The following SUMF1 variants were observed in gnomAD, a reference collection of about 807,000 sequenced individuals.
The protein encoded by SUMF1 is sulfatase modifying factor 1.
A neutral mutation model predicts 47.6 loss-of-function variants in SUMF1; 48 were observed. The ratio of observed to expected loss-of-function variants is 1.01; its 90% CI spans 0.80 to 1.28. The LOEUF is 1.28. Among genes scored for constraint, SUMF1 ranks in the 50% most tolerant of loss-of-function variants. The pLI, the probability that SUMF1 is intolerant of heterozygous loss-of-function variation, is 0.00. For missense variants in SUMF1, 571 were observed against 485.4 expected (o/e 1.18, Z -1.66); for synonymous variants, 230 against 192.1 (o/e 1.20, Z -1.63).
chr3:4,367,826 A>T (rs546948457), intron 8 of SUMF1, among the ~76,000 whole-genome samples: 199 of 151,840 alleles, frequency 1.3e-3, no homozygotes, highest in African/African-American at 4.4e-3. Flanking sequence ...ACCTTATACA[A>T]AAATTAATTC....
intron 8 of SUMF1, among the ~76,000 whole-genome samples, chr3:4,121,943 AT>A (rs1298091786): frequency 6.6e-6 from 1 of 152,050 alleles, no homozygotes; most frequent in Non-Finnish European, 1.5e-5. Context: ...TTCAGCTCCC[AT>A]TTATAAGTGA....
chr3:4,423,899 C>T (rs948525738), intron 3 of SUMF1, among the ~76,000 whole-genome samples: 7 of 152,224 alleles, frequency 4.6e-5, no homozygotes, highest in East Asian at 1.9e-4. Context: ...CCATGTGAAG[C>T]GCCTGCTCCC....
chr3:4,253,990 C>T (rs940189794), intron 8 of SUMF1, among the ~76,000 whole-genome samples: 9 of 150,942 alleles, frequency 6.0e-5, no homozygotes, highest in Admixed American at 5.3e-4. Context: ...GAGGCACCCC[C>T]CAGCAAGGGC....
intron 8 of SUMF1, among the ~76,000 whole-genome samples, chr3:4,134,328 T>C (rs1047186671): frequency 3.3e-5 from 5 of 151,986 alleles, no homozygotes; most frequent in African/African-American, 1.2e-4. Flanking sequence ...TCAAAACCAC[T>C]CAACTACATG....
intron 8 of SUMF1, among the ~76,000 whole-genome samples, chr3:4,312,493 T>G (rs1698445874): frequency 6.6e-6 from 1 of 152,114 alleles, no homozygotes; most frequent in Admixed American, 6.5e-5. Context: ...TTATATACAT[T>G]AAGTATTATA....
At chr3:4,161,890 A>G (rs1012104392) in intron 8 of SUMF1, among the ~76,000 whole-genome samples, 2 of 151,884 alleles carry the variant, frequency 1.3e-5, no homozygotes, top group African/African-American at 2.4e-5. Context: ...TCTCATAGCC[A>G]TCACTGCTGG....
At chr3:4,174,045 TATTAGCTAGG>T (rs1340255127) in intron 8 of SUMF1, among the ~76,000 whole-genome samples, 13 of 152,102 alleles carry the variant, frequency 8.5e-5, no homozygotes, top group Admixed American at 5.9e-4. Context: ...AATTAGCTAG[TATTAGCTAGG>T]ATTAAATTAT....
chr3:4,107,968 G>T (rs1345764102), intron 8 of SUMF1, among the ~76,000 whole-genome samples: 1 of 152,072 alleles, frequency 6.6e-6, no homozygotes, highest in Non-Finnish European at 1.5e-5. Context: ...AAGAGATAAG[G>T]AGGTCAGGAA....
At chr3:4,316,238 G>A (rs1336899464) in intron 8 of SUMF1, 8 of 737,558 alleles carry the variant, frequency 1.1e-5, no homozygotes, top group Middle Eastern at 3.5e-4. Flanking sequence ...TAGACAAAAA[G>A]CAAATTCGAG....
intron 8 of SUMF1, among the ~76,000 whole-genome samples, chr3:4,080,208 TC>T (rs1170897879): frequency 2.0e-5 from 3 of 152,128 alleles, no homozygotes; most frequent in African/African-American, 7.2e-5. Flanking sequence ...ACACGTACAT[TC>T]CATTTGCTTT....
intron 8 of SUMF1, among the ~76,000 whole-genome samples, chr3:4,232,243 A>G (rs1394153400): frequency 6.6e-6 from 1 of 152,114 alleles, no homozygotes; most frequent in Non-Finnish European, 1.5e-5. Flanking sequence ...TGCAGCAACC[A>G]AGGAACTCCA....
intron 8 of SUMF1, among the ~76,000 whole-genome samples, chr3:4,137,054 G>T (rs148126726): frequency 0.38 from 58,272 of 151,878 alleles, 12,335 homozygotes; most frequent in Non-Finnish European, 0.49. Flanking sequence ...CATTGTGGAA[G>T]ACAGTGTGGC....
chr3:4,408,654 C>T (rs757718808), intron 7 of SUMF1, among the ~76,000 whole-genome samples: 3 of 151,972 alleles, frequency 2.0e-5, no homozygotes, highest in Non-Finnish European at 2.9e-5. Flanking sequence ...AGAGCAAGAC[C>T]CCATCTCCAC....
intron 8 of SUMF1, among the ~76,000 whole-genome samples, chr3:4,344,507 C>T (rs934582872): frequency 2.0e-5 from 3 of 152,086 alleles, no homozygotes; most frequent in Non-Finnish European, 4.4e-5. Flanking sequence ...AACAACAAGG[C>T]CCCCACAAAA....
chr3:4,127,132 T>C (rs984022026), intron 8 of SUMF1, among the ~76,000 whole-genome samples: 2 of 152,168 alleles, frequency 1.3e-5, no homozygotes, highest in Non-Finnish European at 2.9e-5. Context: ...TAAAAGGCTA[T>C]GAGCCCACAG....
chr3:4,036,238 A>C (rs1694793244), intron 9 of SUMF1, among the ~76,000 whole-genome samples: 1 of 152,194 alleles, frequency 6.6e-6, no homozygotes, highest in East Asian at 1.9e-4. Flanking sequence ...GTGTATGAGA[A>C]AGTAGTCATT....
At chr3:4,421,752 T>C (rs901910200) in intron 3 of SUMF1, among the ~76,000 whole-genome samples, 4 of 152,200 alleles carry the variant, frequency 2.6e-5, no homozygotes, top group Non-Finnish European at 4.4e-5. Flanking sequence ...CCCAAGGTGC[T>C]GGGATTACAG....
intron 7 of SUMF1, among the ~76,000 whole-genome samples, chr3:4,381,399 G>A (rs879014422): frequency 6.6e-6 from 1 of 152,118 alleles, no homozygotes; most frequent in African/African-American, 2.4e-5. Flanking sequence ...CACTGCTCGG[G>A]TGGGGGTGCA....
At chr3:4,137,525 G>A (rs1230125608) in intron 8 of SUMF1, among the ~76,000 whole-genome samples, 7 of 152,086 alleles carry the variant, frequency 4.6e-5, no homozygotes, top group South Asian at 4.1e-4. Flanking sequence ...CAATGTAAAC[G>A]ATGAGTTAAT....
Sources: gnomAD v4.1 joint callset for allele counts (sites outside exome capture counted in the v4.1 genomes callset) on GRCh38, gnomAD v4.1.1 for gene constraint, MANE v1.5 for transcripts, NCBI Gene and HGNC (gene_info 2026-07-23, HGNC 2026-07-21) for gene names.